The following PCDHA8 variants were observed in gnomAD, a reference collection of about 807,000 sequenced individuals.
PCDHA8 encodes the protein protocadherin alpha 8, also known as protocadherin alpha-8.
PCDHA8 carries 53 observed loss-of-function variants against 61.8 expected under a neutral mutation model. That is an observed-to-expected ratio of 0.86 (90% CI 0.69 to 1.08). The LOEUF (loss-of-function observed/expected upper bound fraction) is 1.08, where lower values mean the gene tolerates loss of function less well. Among genes scored for constraint, PCDHA8 ranks in the 50% least tolerant of loss-of-function variants. The pLI is 0.00. For synonymous variants in PCDHA8, 618 were observed against 556.6 expected (o/e 1.11, Z -1.55); for missense variants, 1,293 against 1,245.0 (o/e 1.04, Z -0.58).
chr5:140,888,724 C>G (rs1437926423), intron 1 of PCDHA8, among the ~76,000 whole-genome samples: 6 of 151,938 alleles, frequency 3.9e-5, no homozygotes, highest in African/African-American at 1.5e-4. Flanking sequence ...ATTTCCAGCC[C>G]TTTGTGAGCT....
chr5:140,945,813 C>T (rs10477097), intron 1 of PCDHA8, among the ~76,000 whole-genome samples: 2 of 152,084 alleles, frequency 1.3e-5, no homozygotes, highest in East Asian at 3.8e-4. Flanking sequence ...TTATCTCACA[C>T]TGTATACAAA....
intron 1 of PCDHA8, chr5:140,858,165 C>T: frequency 6.3e-7 from 1 of 1,597,786 alleles, no homozygotes; most frequent in Non-Finnish European, 8.6e-7. Context: ...TGCGCGGTGT[C>T]CAGCTTGCTG....
In PCDHA8 at chr5:140,884,521, G is replaced by A. The variant is rs569278761; in HGVS notation, c.2394+40806G>A. On this transcript the variant is annotated intron_variant, in intron 1 of 3. Transcript: ENST00000531613. ...GCGCGGCAGGGAGTTGGTCGTACTCGCAGCAGAGGCGGCCGAGGGTGTGCT... is the reference window on the plus strand; with the variant it reads ...GCGCGGCAGGGAGTTGGTCGTACTCACAGCAGAGGCGGCCGAGGGTGTGCT... 8.1e-6 allele frequency: 13 copies of A among 1,614,196 alleles called. No homozygotes were observed. In the East Asian group the frequency reaches 2.0e-4, roughly 25 times the overall value.
In PCDHA8 at chr5:140,842,009, G is replaced by A; in HGVS notation, c.688G>A (p.Val230Ile). Residue 230 changes from valine (V) to isoleucine (I), a missense_variant, in exon 1 of 4, where the codon GTC becomes ATC. Val to Ile is a conservative substitution (Grantham distance 29, BLOSUM62 3). Coordinates refer to ENST00000531613, the MANE Select transcript of PCDHA8 (RefSeq NM_018911.3). ...GCTCACAGGCACTGTTCAGCTGCTG[G>A]TCACAGTGCTGGATGTGAATGATAA... ...PELTGTVQLL[V>I]TVLDVNDNAP... 3 of 1,613,748 alleles carry A rather than the reference G, an allele frequency of 1.9e-6. No homozygotes were observed. The highest frequency in any genetic ancestry group is 2.5e-6 in the Non-Finnish European group (3 of 1,179,726).
At chr5:140,989,060 G>A (rs1233023153) in intron 3 of PCDHA8, 1 of 152,138 alleles carries the variant, frequency 6.6e-6, no homozygotes, top group Non-Finnish European at 1.5e-5. Context: ...CTACATTGAG[G>A]CAATACAGTC....
In PCDHA8 at chr5:140,967,952, C is replaced by T. The variant is rs562783714; in HGVS notation, c.2395-10997C>T. ...CAGTGTCAATGACCAAGACTCAGGC[C>T]CCAACCGGAAAGTGAGCCTGGGTCT... is the stretch of plus-strand genomic sequence containing the variant. On this transcript the variant is annotated intron_variant, in intron 1 of 3. Coordinates refer to ENST00000531613, the MANE Select transcript of PCDHA8 (RefSeq NM_018911.3). The T allele has an allele frequency of 3.1e-6, 5 of 1,614,176 alleles. No individual in the cohort carries two copies. In the African/African-American group the frequency reaches 6.7e-5, roughly 22 times the overall value.
At position 140,841,810 on chromosome 5, in the gene PCDHA8, A is replaced by G. The variant is rs782078620; in HGVS notation, c.489A>G (p.Gly163=). ...AGGGCGCGTCCGATGCAGATGTTGG[A>G]GCTAACTCCGTGTTAACCTACAGGC... is the stretch of plus-strand genomic sequence containing the variant. The part of the protein sequence containing the change: ...PLEGASDADV[G]ANSVLTYRLS... The change falls in exon 1 of 4, where the codon GGA becomes GGG. Residue 163 remains glycine, a synonymous_variant. Transcript: ENST00000531613. 1.2e-6 allele frequency: 2 copies of G among 1,613,740 alleles called. No homozygotes were observed.
chr5:140,848,637 A>G, intron 1 of PCDHA8: 1 of 1,593,240 alleles, frequency 6.3e-7, no homozygotes, highest in Non-Finnish European at 8.6e-7. Context: ...CGTGGGCCGC[A>G]TCGCGCAGGA....
In PCDHA8 at chr5:140,842,738, C is replaced by T. The variant is rs1470514973; in HGVS notation, c.1417C>T (p.His473Tyr). The T allele has an allele frequency of 6.3e-7, 1 of 1,594,924 alleles. No homozygotes were observed. The highest frequency in any genetic ancestry group is 8.6e-7 in the Non-Finnish European group (1 of 1,165,426). ...GAAGGAGAACAACCCGCCGGGCTGCCACATCTTCACGGTGTCTGCGCGAGA... is the reference window on the plus strand; with the variant it reads ...GAAGGAGAACAACCCGCCGGGCTGCTACATCTTCACGGTGTCTGCGCGAGA... ...FVKENNPPGC[H>Y]IFTVSARDAD... The change falls in exon 1 of 4, where the codon CAC becomes TAC. Residue 473 changes from histidine to tyrosine, a missense_variant. Physicochemically the swap from His to Tyr is moderately conservative, Grantham distance 83. Coordinates refer to ENST00000531613, the MANE Select transcript of PCDHA8 (RefSeq NM_018911.3).
intron 1 of PCDHA8, chr5:140,884,522 C>T: frequency 6.2e-7 from 1 of 1,614,058 alleles, no homozygotes. Flanking sequence ...GTCGTACTCG[C>T]AGCAGAGGCG....
intron 1 of PCDHA8, among the ~76,000 whole-genome samples, chr5:140,942,347 G>T (rs2093273719): frequency 6.6e-6 from 1 of 151,956 alleles, no homozygotes; most frequent in Non-Finnish European, 1.5e-5. Flanking sequence ...GGGAGGCGGA[G>T]GTTGCAGTTA....
intron 3 of PCDHA8, among the ~76,000 whole-genome samples, chr5:140,983,431 G>T (rs947907651): frequency 5.3e-5 from 8 of 152,198 alleles, no homozygotes; most frequent in African/African-American, 1.9e-4. Flanking sequence ...ACCACAAATT[G>T]TGTCTACTCT....
In PCDHA8 at chr5:141,005,148, G is replaced by T. The variant is rs528805353; in HGVS notation, c.2543-4479G>T. The stretch of plus-strand genomic sequence containing the variant: ...AAGTGCCTCATTGGAGAGTTGTTTG[G>T]TCTGCTAAAGAGTGGGTACCACTTT... On this transcript the variant is annotated intron_variant, in intron 3 of 3. Transcript: ENST00000531613. 3.3e-5 allele frequency among the ~76,000 whole-genome samples: 5 copies of T among 152,328 alleles called. No individual in the cohort carries two copies. The South Asian group carries it at 1.0e-3, about 32-fold the overall frequency.
chr5:140,969,005 G>A (rs149076230), intron 1 of PCDHA8: 1 of 1,614,168 alleles, frequency 6.2e-7, no homozygotes, highest in Non-Finnish European at 8.5e-7. Flanking sequence ...AGGCTTCTGT[G>A]GAGTAAGGGA....
intron 3 of PCDHA8, among the ~76,000 whole-genome samples, chr5:140,984,768 G>A (rs569046665): frequency 7.2e-5 from 11 of 152,172 alleles, no homozygotes; most frequent in African/African-American, 2.4e-4. Flanking sequence ...CTAATCCCAA[G>A]CTTACTTGCT....
chr5:140,907,439 A>T (rs1217956706), intron 1 of PCDHA8, among the ~76,000 whole-genome samples: 1 of 152,250 alleles, frequency 6.6e-6, no homozygotes, highest in Non-Finnish European at 1.5e-5. Flanking sequence ...CTGTGAGTCC[A>T]CAGATGGTAA....
chr5:140,858,495 G>T, intron 1 of PCDHA8: 1 of 1,481,630 alleles, frequency 6.7e-7, no homozygotes, highest in Non-Finnish European at 9.2e-7. Flanking sequence ...TTCTCTTACC[G>T]CATTTTCTCA....
intron 1 of PCDHA8, among the ~76,000 whole-genome samples, chr5:140,941,230 T>C (rs536346214): frequency 7.3e-6 from 1 of 137,584 alleles, no homozygotes; most frequent in African/African-American, 2.9e-5. Context: ...TTTCTTTCTT[T>C]CTTTCTTTCT....
Position 140,958,902 on chromosome 5 carries a change from GAA to G in PCDHA8, c.2395-20044_2395-20043del, listed in dbSNP as rs201571519. On this transcript the variant is annotated intron_variant, in intron 1 of 3. Transcript: ENST00000531613. ...GACCAGTAGCTATATAATAGATACA[GAA>G]AAGTCTGCCTGGGTGTGGTGGCTCA... Among the ~76,000 whole-genome samples the G allele has an allele frequency of 8.2e-3, 1,248 of 152,002 alleles. 7 individuals carry two copies. The highest frequency in any genetic ancestry group is 0.021 in the Middle Eastern group (6 of 292).
Sources: allele counts gnomAD v4.1 joint callset (sites outside exome capture counted in the v4.1 genomes callset), GRCh38; gene constraint gnomAD v4.1.1; transcripts MANE v1.5; gene names NCBI Gene and HGNC (gene_info 2026-07-23, HGNC 2026-07-21).